The following APP variants were observed in gnomAD, a reference collection of about 807,000 sequenced individuals.
APP encodes the protein amyloid beta precursor protein.
Under a neutral mutation model 101.4 loss-of-function variants are expected in APP, and 31 were observed. The ratio of observed to expected loss-of-function variants is 0.31; its 90% CI spans 0.23 to 0.41. The LOEUF is 0.41. Ranked by LOEUF, APP falls within the 10% of genes least tolerant of loss-of-function variation. The pLI, the probability that APP is intolerant of heterozygous loss-of-function variation, is 1.00. For synonymous variants in APP, 366 were observed against 364.4 expected (o/e 1.00, Z -0.05); for missense variants, 839 against 1,003.7 (o/e 0.84, Z 2.22).
intron 9 of APP, among the ~76,000 whole-genome samples, chr21:25,977,880 A>G (rs1272660316): frequency 3.3e-5 from 5 of 152,234 alleles, no homozygotes; most frequent in Non-Finnish European, 7.3e-5. Flanking sequence ...TGCTTTATAG[A>G]TGAGATAAGC....
intron 13 of APP, among the ~76,000 whole-genome samples, chr21:25,915,900 G>A (rs1207722151): frequency 6.6e-6 from 1 of 151,976 alleles, no homozygotes; most frequent in Non-Finnish European, 1.5e-5. Flanking sequence ...TTCATTTTCA[G>A]AAAATGTAAG....
At chr21:26,027,965 C>G (rs994174740) in intron 5 of APP, among the ~76,000 whole-genome samples, 2 of 151,932 alleles carry the variant, frequency 1.3e-5, no homozygotes, top group Non-Finnish European at 2.9e-5. Flanking sequence ...GGGGCCGAGG[C>G]AGGCAGATCA....
rs2063728058 is a variant in APP at position 26,170,674 on chromosome 21, G to C, written c.-54C>G. On this transcript the variant is annotated 5_prime_UTR_variant, in exon 1 of 18. Coordinates refer to ENST00000346798, the MANE Select transcript of APP (RefSeq NM_000484.4). ...CTGCTGTGCGAGTGGGATCCGCCGC[G>C]TCCTTGCTCTGCCCGCGCCGCCACC... The C allele has an allele frequency of 6.8e-7, 1 of 1,476,670 alleles. No individual in the cohort carries two copies. Among genetic ancestry groups the C allele is most frequent in the South Asian group, 1.3e-5 (1 of 77,694 alleles). 91.5% of individuals were successfully genotyped at this position (1,476,670 alleles called of 1,614,324 possible).
At chr21:26,120,729 CAT>C (rs1230004554) in intron 1 of APP, among the ~76,000 whole-genome samples, 1 of 152,102 alleles carries the variant, frequency 6.6e-6, no homozygotes, top group Admixed American at 6.5e-5. Flanking sequence ...AAAAATTAAA[CAT>C]ATTTTGTTTA....
At chr21:25,971,653 T>A in intron 11 of APP, among the ~76,000 whole-genome samples, 1 of 152,192 alleles carries the variant, frequency 6.6e-6, no homozygotes, top group Non-Finnish European at 1.5e-5. Context: ...GGTACATGCA[T>A]GTGAAAGAAA....
rs141143638 is a variant in APP at position 26,046,180 on chromosome 21, T to C, written c.662+4820A>G. Among the ~76,000 whole-genome samples the C allele has an allele frequency of 3.0e-3, 447 of 150,508 alleles. 3 individuals carry two copies. Among genetic ancestry groups the C allele is most frequent in the Admixed American group, 5.6e-3 (84 of 14,986 alleles). ...TGGGTGGGAAAAAAGCCAAAACATATCACTGCCCCCCAAACCAGAGAGTAA... is the reference window on the plus strand; with the variant it reads ...TGGGTGGGAAAAAAGCCAAAACATACCACTGCCCCCCAAACCAGAGAGTAA... On this transcript the variant is annotated intron_variant, in intron 5 of 17. Transcript: ENST00000346798.
chr21:26,136,191 A>AAGGAAAGGAAAGGAAAGGAAGGAG lies in APP; in HGVS notation c.58-24046_58-24045insCTCCTTCCTTTCCTTTCCTTTCCT, dbSNP rs1369945640. On this transcript the variant is annotated intron_variant, in intron 1 of 17. Coordinates refer to ENST00000346798, the MANE Select transcript of APP (RefSeq NM_000484.4). Reference sequence around the variant, plus strand: ...AAGAAAAGAAAGAAAGAAAGAAAGAAAGAAAGAAAGAAAAGAAAAGAAAGA... The same window carrying AAGGAAAGGAAAGGAAAGGAAGGAG: ...AAGAAAAGAAAGAAAGAAAGAAAGAAAGGAAAGGAAAGGAAAGGAAGGAGAGAAAGAAAGAAAAGAAAAGAAAGA... Among the ~76,000 whole-genome samples, 2 of 77,380 alleles carry AAGGAAAGGAAAGGAAAGGAAGGAG rather than the reference A, an allele frequency of 2.6e-5. 1 individual carries two copies. The highest frequency in any genetic ancestry group is 4.4e-5 in the Non-Finnish European group (2 of 45,154). 50.8% of individuals were successfully genotyped at this position (77,380 alleles called of 152,430 possible). A position where few individuals can be genotyped will look rare whatever the true frequency, so the allele number is the denominator to read the frequency against.
At chr21:26,003,263 T>C (rs1046356923) in intron 6 of APP, among the ~76,000 whole-genome samples, 1 of 152,236 alleles carries the variant, frequency 6.6e-6, no homozygotes, top group Non-Finnish European at 1.5e-5. Flanking sequence ...TAGTATAAGC[T>C]ACACGTTGAG....
At chr21:25,899,531 T>C (rs1338561917) in intron 15 of APP, among the ~76,000 whole-genome samples, 1 of 152,112 alleles carries the variant, frequency 6.6e-6, no homozygotes, top group Non-Finnish European at 1.5e-5. Flanking sequence ...GTAGGGACGC[T>C]CAAGCAGCAT....
At chr21:26,110,323 A>G (rs55723422) in intron 2 of APP, among the ~76,000 whole-genome samples, 14,987 of 152,032 alleles carry the variant, frequency 0.099, 957 homozygotes, top group South Asian at 0.17. Context: ...GCGGGTGCCT[A>G]TAGTCCCATC....
In APP at chr21:26,069,948, GT is replaced by G. The variant is rs370964483; in HGVS notation, c.356-16601del. Among the ~76,000 whole-genome samples, 23 of 152,284 alleles carry G rather than the reference GT, an allele frequency of 1.5e-4. No homozygotes were observed. In the East Asian group the frequency reaches 4.4e-3, roughly 29 times the overall value. On this transcript the variant is annotated intron_variant, in intron 3 of 17. Transcript: ENST00000346798. The stretch of plus-strand genomic sequence containing the variant: ...TTAGCCATGAAGTAATTAGGATATA[GT>G]ACTTGAAACTGGCACCACCTTTTAC...
intron 10 of APP, 57 bp downstream of exon 10, chr21:25,975,897 C>A: frequency 7.2e-7 from 1 of 1,384,056 alleles, no homozygotes; most frequent in African/African-American, 1.4e-5. Context: ...CCTGCAGACA[C>A]TCATTAAAAA....
chr21:25,940,934 A>G (rs1353175703), intron 13 of APP, among the ~76,000 whole-genome samples: 3 of 152,190 alleles, frequency 2.0e-5, no homozygotes, highest in African/African-American at 7.2e-5. Flanking sequence ...TTCCCAGGTG[A>G]TGCCAGGCGA....
intron 6 of APP, among the ~76,000 whole-genome samples, chr21:26,001,611 G>A (rs948829976): frequency 2.0e-5 from 3 of 152,148 alleles, no homozygotes; most frequent in African/African-American, 7.2e-5. Flanking sequence ...TGATTCTTGC[G>A]CCTCAGCCTC....
chr21:26,131,403 GTT>G (rs1303727247), intron 1 of APP, among the ~76,000 whole-genome samples: 1 of 152,064 alleles, frequency 6.6e-6, no homozygotes, highest in African/African-American at 2.4e-5. Context: ...TTCTATAAAC[GTT>G]TTTCCTTTAA....
intron 1 of APP, among the ~76,000 whole-genome samples, chr21:26,144,637 A>C (rs1019682469): frequency 1.3e-5 from 2 of 152,252 alleles, no homozygotes; most frequent in African/African-American, 4.8e-5. Flanking sequence ...ATCATGGTCA[A>C]TTCTCTTGAA....
At chr21:26,122,323 A>G (rs138054496) in intron 1 of APP, among the ~76,000 whole-genome samples, 156 of 152,316 alleles carry the variant, frequency 1.0e-3, no homozygotes, top group African/African-American at 3.5e-3. Flanking sequence ...ATACCCTTTA[A>G]TATCTTTACA....
chr21:26,080,596 G>A (rs566279740), intron 3 of APP, among the ~76,000 whole-genome samples: 11 of 151,532 alleles, frequency 7.3e-5, no homozygotes, highest in East Asian at 1.9e-4. Flanking sequence ...GTCAAATTCC[G>A]TCTCTACTAA....
At chr21:26,101,392 C>T (rs73168355) in intron 2 of APP, among the ~76,000 whole-genome samples, 1 of 152,182 alleles carries the variant, frequency 6.6e-6, no homozygotes, top group Non-Finnish European at 1.5e-5. Context: ...CCATGGCACC[C>T]GGCCCAAGTT....
Sources: gnomAD v4.1 joint callset for allele counts (sites outside exome capture counted in the v4.1 genomes callset) on GRCh38, gnomAD v4.1.1 for gene constraint, MANE v1.5 for transcripts, NCBI Gene and HGNC (gene_info 2026-07-23, HGNC 2026-07-21) for gene names.